Variants in MYRIP observed in about 807,000 individuals in gnomAD.
MYRIP encodes rab effector MyRIP.
In MYRIP, 49 loss-of-function variants were observed where a neutral mutation model predicts 98.0. The observed-to-expected ratio is 0.50, with a 90% CI of 0.40 to 0.63. MYRIP has a LOEUF of 0.63. Ranked by LOEUF, MYRIP falls within the 30% of genes least tolerant of loss-of-function variation. The probability of loss-of-function intolerance (pLI) is 0.00; values close to 1 mark genes in which losing one functional copy is unlikely to be tolerated. For missense variants in MYRIP, 1,004 were observed against 1,058.2 expected (o/e 0.95, Z 0.71); for synonymous variants, 404 against 409.5 (o/e 0.99, Z 0.16).
intron 1 of MYRIP, among the ~76,000 whole-genome samples, chr3:39,866,472 T>TA (rs796986213): frequency 2.0e-5 from 3 of 152,100 alleles, no homozygotes; most frequent in Non-Finnish European, 2.9e-5. Context: ...TCAAAAATAA[T>TA]AAAAAATTTT....
chr3:40,101,158 C>T (rs1026042874), intron 3 of MYRIP, among the ~76,000 whole-genome samples: 5 of 152,172 alleles, frequency 3.3e-5, no homozygotes, highest in Non-Finnish European at 7.3e-5. Context: ...TTGTTTTCAA[C>T]ACCTCCAACA....
chr3:39,892,550 C>T (rs918106671), intron 1 of MYRIP, among the ~76,000 whole-genome samples: 2 of 152,042 alleles, frequency 1.3e-5, no homozygotes, highest in Non-Finnish European at 2.9e-5. Context: ...TTAAATTTAG[C>T]CTAACTCTTG....
chr3:40,170,375 G>A (rs950805597), intron 8 of MYRIP, among the ~76,000 whole-genome samples: 1 of 151,860 alleles, frequency 6.6e-6, no homozygotes, highest in Non-Finnish European at 1.5e-5. Context: ...TTTTCATTCT[G>A]AAAAGAATTA....
At chr3:39,942,870 G>T (rs961201731) in intron 2 of MYRIP, among the ~76,000 whole-genome samples, 1 of 151,908 alleles carries the variant, frequency 6.6e-6, no homozygotes, top group African/African-American at 2.4e-5. Context: ...TATGAAATTC[G>T]CTTTTTAAAC....
intron 2 of MYRIP, among the ~76,000 whole-genome samples, chr3:39,922,633 G>A (rs1323197606): frequency 6.6e-6 from 1 of 152,216 alleles, no homozygotes; most frequent in African/African-American, 2.4e-5. Context: ...GCAACAAGGA[G>A]CTCCCTCCTC....
intron 8 of MYRIP, among the ~76,000 whole-genome samples, chr3:40,171,173 C>T (rs184480136): frequency 7.9e-5 from 12 of 151,944 alleles, no homozygotes; most frequent in Admixed American, 2.0e-4. Context: ...AAGTAGAAGA[C>T]GCCATGCCCA....
intron 2 of MYRIP, among the ~76,000 whole-genome samples, chr3:39,989,517 C>T (rs899685012): frequency 7.9e-5 from 12 of 152,212 alleles, no homozygotes; most frequent in Admixed American, 5.2e-4. Context: ...GGGAGCAGAA[C>T]GCATTTAACA....
intron 2 of MYRIP, among the ~76,000 whole-genome samples, chr3:40,041,614 C>G (rs1029559712): frequency 1.4e-4 from 21 of 151,522 alleles, no homozygotes; most frequent in African/African-American, 4.9e-4. Context: ...GAGAGACACA[C>G]GTTTACAAAT....
chr3:39,818,129 T>G (rs12490316), intron 1 of MYRIP, among the ~76,000 whole-genome samples: 38,668 of 152,190 alleles, frequency 0.25, 5,193 homozygotes, highest in Middle Eastern at 0.32. Flanking sequence ...TTAGGCACTT[T>G]AGACTTTTAT....
At chr3:39,947,501 A>G (rs1944929877) in intron 2 of MYRIP, among the ~76,000 whole-genome samples, 2 of 152,174 alleles carry the variant, frequency 1.3e-5, no homozygotes, top group Non-Finnish European at 2.9e-5. Flanking sequence ...AGATATAAGC[A>G]CTGGTACAAA....
chr3:40,015,439 C>T (rs1217518524), intron 2 of MYRIP, among the ~76,000 whole-genome samples: 1 of 152,190 alleles, frequency 6.6e-6, no homozygotes, highest in Non-Finnish European at 1.5e-5. Context: ...ACACTTCAGG[C>T]TCACCTTTCA....
Position 40,162,716 on chromosome 3 carries a change from C to A in MYRIP, c.470-14C>A, listed in dbSNP as rs746714355. 8 of 1,612,306 alleles carry A rather than the reference C, an allele frequency of 5.0e-6. No individual in the cohort carries two copies. Among genetic ancestry groups the A allele is most frequent in the Non-Finnish European group, 6.8e-6 (8 of 1,178,616 alleles). ...AATCATATTCATTCTCTTCTCCCAC[C>A]CCTACCCTGCCAGGAGGAAGCCTTT... On this transcript the variant is annotated splice_polypyrimidine_tract_variant and intron_variant, in intron 4 of 16. Coordinates refer to ENST00000302541, the MANE Select transcript of MYRIP (RefSeq NM_015460.4).
chr3:40,221,161 C>T (rs1462153661), intron 11 of MYRIP, among the ~76,000 whole-genome samples: 1 of 151,764 alleles, frequency 6.6e-6, no homozygotes, highest in Non-Finnish European at 1.5e-5. Flanking sequence ...CCAGAACTTG[C>T]CATATGGTTA....
At chr3:39,945,108 C>T (rs897514964) in intron 2 of MYRIP, among the ~76,000 whole-genome samples, 33 of 151,800 alleles carry the variant, frequency 2.2e-4, no homozygotes, top group African/African-American at 6.5e-4. Flanking sequence ...GAAATTAAGC[C>T]ACATGCTTAA....
chr3:39,864,862 A>G (rs972844489), intron 1 of MYRIP, among the ~76,000 whole-genome samples: 12 of 152,230 alleles, frequency 7.9e-5, no homozygotes, highest in Non-Finnish European at 1.5e-4. Flanking sequence ...CTAAGCAAAA[A>G]GAACAAACCC....
chr3:40,010,571 A>C (rs377287557), intron 2 of MYRIP, among the ~76,000 whole-genome samples: 23 of 152,352 alleles, frequency 1.5e-4, no homozygotes, highest in East Asian at 1.2e-3. Context: ...TCAGAAGTCC[A>C]TGTAAAGATA....
At chr3:39,860,833 T>C (rs1942447654) in intron 1 of MYRIP, among the ~76,000 whole-genome samples, 1 of 152,200 alleles carries the variant, frequency 6.6e-6, no homozygotes, top group South Asian at 2.1e-4. Flanking sequence ...CCCATTGGCA[T>C]GTGTAGGCAT....
chr3:40,196,913 C>G (rs1414453399), intron 10 of MYRIP, among the ~76,000 whole-genome samples: 1 of 152,186 alleles, frequency 6.6e-6, no homozygotes, highest in Non-Finnish European at 1.5e-5. Context: ...CTGCTAGATG[C>G]TTCACCTCAT....
intron 4 of MYRIP, among the ~76,000 whole-genome samples, chr3:40,157,782 T>C (rs1404015965): frequency 1.3e-5 from 2 of 149,066 alleles, no homozygotes; most frequent in African/African-American, 4.9e-5. Context: ...TTTATTTGCG[T>C]AGAGGTGTTT....
Sources: allele counts gnomAD v4.1 joint callset (sites outside exome capture counted in the v4.1 genomes callset), GRCh38; gene constraint gnomAD v4.1.1; transcripts MANE v1.5; gene names NCBI Gene and HGNC (gene_info 2026-07-23, HGNC 2026-07-21).